The following LIPK variants were observed in gnomAD, a reference collection of about 807,000 sequenced individuals.
LIPK encodes lipase family member K.
Under a neutral mutation model 48.6 loss-of-function variants are expected in LIPK, and 32 were observed. The ratio of observed to expected loss-of-function variants is 0.66; its 90% CI spans 0.50 to 0.88. The LOEUF is 0.88. LIPK is among the 40% of genes least tolerant of loss of function. The pLI is 0.00. For synonymous variants in LIPK, 164 were observed against 157.4 expected, an observed-to-expected ratio of 1.04 and a Z score of -0.32; for missense variants, 507 against 478.5, an observed-to-expected ratio of 1.06 and a Z score of -0.56.
At chr10:88,732,352 T>G (rs1250982819) in intron 5 of LIPK, 63 bp from the exon 6 acceptor site, 6 of 1,596,174 alleles carry the variant, frequency 3.8e-6, no homozygotes, top group Non-Finnish European at 5.1e-6. Context: ...CTACATTTAC[T>G]ACAACTTAAA....
chr10:88,746,303 A>G (rs1842764969), intron 9 of LIPK, among the ~76,000 whole-genome samples: 1 of 152,156 alleles, frequency 6.6e-6, no homozygotes, highest in Admixed American at 6.6e-5. Context: ...AGAACACTCG[A>G]CCCAATAACA....
intron 9 of LIPK, among the ~76,000 whole-genome samples, chr10:88,745,112 G>A (rs1842744303): frequency 1.3e-5 from 2 of 152,254 alleles, no homozygotes; most frequent in South Asian, 2.1e-4. Flanking sequence ...AACAAAATCT[G>A]CAGAAAATAT....
chr10:88,722,953 C>T (rs1842260743), intron 1 of LIPK, among the ~76,000 whole-genome samples: 1 of 126,802 alleles, frequency 7.9e-6, no homozygotes, highest in Admixed American at 1.0e-4. Flanking sequence ...GGTGCTATTA[C>T]AGCTCACTGG....
intron 9 of LIPK, among the ~76,000 whole-genome samples, chr10:88,744,626 A>G (rs898143474): frequency 2.0e-5 from 3 of 152,262 alleles, no homozygotes; most frequent in Non-Finnish European, 4.4e-5. Context: ...AAAAGCAAAA[A>G]GCCTCATCCA....
At chr10:88,729,267 G>C (rs1306893513) in intron 3 of LIPK, among the ~76,000 whole-genome samples, 1 of 125,146 alleles carries the variant, frequency 8.0e-6, no homozygotes, top group Admixed American at 8.4e-5. Flanking sequence ...GGGGGGGGCG[G>C]GGGAAGAGCA....
chr10:88,714,017 G>A (rs1842071373), intron 1 of LIPK, among the ~76,000 whole-genome samples: 1 of 151,670 alleles, frequency 6.6e-6, no homozygotes. Context: ...TCCCATCTTT[G>A]TTGTTGTTGT....
chr10:88,743,325 C>T lies in LIPK; in HGVS notation c.960+4C>T. On this transcript the variant is annotated splice_donor_region_variant and intron_variant, in intron 9 of 9. Coordinates refer to ENST00000404190, the MANE Select transcript of LIPK (RefSeq NM_001080518.2). Reference sequence around the variant, plus strand: ...GAACATGATGCACTTCCATCAGGTACAAAAATAATCCTCATAATCAGTTCC... The same window carrying T: ...GAACATGATGCACTTCCATCAGGTATAAAAATAATCCTCATAATCAGTTCC... 1.3e-6 allele frequency: 2 copies of T among 1,576,650 alleles called. No homozygotes were observed. Among genetic ancestry groups the T allele is most frequent in the Non-Finnish European group, 8.6e-7 (1 of 1,157,100 alleles).
chr10:88,752,330 C>A (rs902855812), intron 9 of LIPK, among the ~76,000 whole-genome samples, 187 bp from the exon 10 acceptor site: 1 of 152,154 alleles, frequency 6.6e-6, no homozygotes, highest in South Asian at 2.1e-4. Context: ...TTTCGATTCA[C>A]AATTCATATT....
chr10:88,709,644 T>G (rs1476969820), intron 1 of LIPK, among the ~76,000 whole-genome samples: 3 of 152,216 alleles, frequency 2.0e-5, no homozygotes, highest in African/African-American at 7.2e-5. Flanking sequence ...TATTTTTTTT[T>G]TTTTAAGCAA....
intron 1 of LIPK, among the ~76,000 whole-genome samples, chr10:88,724,158 A>C (rs1353167927): frequency 6.6e-6 from 1 of 152,214 alleles, no homozygotes; most frequent in African/African-American, 2.4e-5. Flanking sequence ...ATCAGAAAAA[A>C]GTACCAACCA....
In LIPK at chr10:88,715,566, G is replaced by A. The variant is rs531176453; in HGVS notation, c.-11-8967G>A. Among the ~76,000 whole-genome samples the A allele has an allele frequency of 8.6e-5, 13 of 151,914 alleles. No individual in the cohort carries two copies. In the South Asian group the frequency reaches 1.7e-3, roughly 19 times the overall value. ...TGTTGAAAGTACATAGTTGGGCCCC[G>A]CTTTTTTTATACATATTATAGTCTG... On this transcript the variant is annotated intron_variant, in intron 1 of 9. Coordinates refer to ENST00000404190, the MANE Select transcript of LIPK (RefSeq NM_001080518.2).
chr10:88,740,672 T>A (rs963093747), intron 8 of LIPK, among the ~76,000 whole-genome samples: 3 of 152,154 alleles, frequency 2.0e-5, no homozygotes, highest in African/African-American at 7.2e-5. Flanking sequence ...GCACATTCAT[T>A]TGTTTATTAT....
intron 1 of LIPK, among the ~76,000 whole-genome samples, chr10:88,709,775 C>T (rs573598656): frequency 2.0e-5 from 3 of 152,158 alleles, no homozygotes; most frequent in Admixed American, 1.3e-4. Context: ...GTTAGGGAGT[C>T]TCAGCCATTT....
intron 9 of LIPK, among the ~76,000 whole-genome samples, chr10:88,748,153 C>G (rs1247164792): frequency 6.6e-6 from 1 of 152,078 alleles, no homozygotes; most frequent in African/African-American, 2.4e-5. Context: ...CCTCAGCAAA[C>G]TAACACAGGA....
intron 9 of LIPK, among the ~76,000 whole-genome samples, chr10:88,751,024 C>T (rs555602353): frequency 6.6e-6 from 1 of 152,218 alleles, no homozygotes; most frequent in East Asian, 1.9e-4. Flanking sequence ...CATTTACTAG[C>T]CACTTTTTAA....
At chr10:88,734,093 A>G (rs1162158977) in intron 6 of LIPK, among the ~76,000 whole-genome samples, 2 of 152,242 alleles carry the variant, frequency 1.3e-5, no homozygotes, top group Admixed American at 1.3e-4. Context: ...TATAACTCCA[A>G]TAGAGGAACT....
chr10:88,746,863 C>G (rs182409796), intron 9 of LIPK, among the ~76,000 whole-genome samples: 1 of 152,212 alleles, frequency 6.6e-6, no homozygotes, highest in East Asian at 1.9e-4. Context: ...AATTGATAGA[C>G]TGCTAGCTAG....
intron 9 of LIPK, among the ~76,000 whole-genome samples, chr10:88,746,982 A>G (rs1236992009): frequency 6.6e-6 from 1 of 152,204 alleles, no homozygotes; most frequent in Non-Finnish European, 1.5e-5. Flanking sequence ...GACTATCATT[A>G]TCACCTCTAC....
chr10:88,751,778 C>T (rs531627760), intron 9 of LIPK, among the ~76,000 whole-genome samples: 23 of 152,098 alleles, frequency 1.5e-4, no homozygotes, highest in African/African-American at 4.3e-4. Context: ...TTCCAAAGGC[C>T]CCCTAACCCC....
Sources: allele counts gnomAD v4.1 joint callset (sites outside exome capture counted in the v4.1 genomes callset), GRCh38; gene constraint gnomAD v4.1.1; transcripts MANE v1.5; gene names NCBI Gene and HGNC (gene_info 2026-07-23, HGNC 2026-07-21).